GRAMD1B: variants seen among roughly 807,000 people sequenced by gnomAD.
GRAMD1B encodes GRAM domain containing 1B.
A neutral mutation model predicts 99.7 loss-of-function variants in GRAMD1B; 37 were observed. That is an observed-to-expected ratio of 0.37 (90% CI 0.29 to 0.49). The LOEUF is 0.49. Among genes scored for constraint, GRAMD1B ranks in the 20% least tolerant of loss-of-function variants. GRAMD1B has a pLI of 0.98. For synonymous variants in GRAMD1B, 427 were observed against 387.6 expected (o/e 1.10, Z -1.19); for missense variants, 888 against 1,009.2 (o/e 0.88, Z 1.63).
intron 17 of GRAMD1B, 51 bp downstream of exon 17, chr11:123,614,886 G>A (rs374208190): frequency 1.7e-5 from 18 of 1,067,744 alleles, no homozygotes; most frequent in Non-Finnish European, 2.1e-5. Context: ...TCCCTTTCCA[G>A]CCTGGTGCCC....
chr11:123,610,746 A>G lies in GRAMD1B; in HGVS notation c.1919+408A>G, dbSNP rs1395444328. ...GTAAGCACTGAAACCCAGATCTTAGAGTTGTAAACCTGTGCTCTGTCCACC... is the reference window on the plus strand; with the variant it reads ...GTAAGCACTGAAACCCAGATCTTAGGGTTGTAAACCTGTGCTCTGTCCACC... On this transcript the variant is annotated intron_variant, in intron 14 of 19. Transcript: ENST00000635736. The surrounding 1 kb of genome is among the most constrained non-coding windows in gnomAD (Gnocchi z 4.1). 6.6e-6 allele frequency among the ~76,000 whole-genome samples: 1 copy of G among 152,168 alleles called. No individual in the cohort carries two copies.
At chr11:123,537,284 TC>T (rs924260703) in intron 2 of GRAMD1B, among the ~76,000 whole-genome samples, 3 of 152,216 alleles carry the variant, frequency 2.0e-5, no homozygotes, top group African/African-American at 7.2e-5. Context: ...ATCTTTCAGT[TC>T]AGACCTCTTT....
chr11:123,543,887 A>G (rs1347359750), intron 2 of GRAMD1B, among the ~76,000 whole-genome samples: 2 of 152,210 alleles, frequency 1.3e-5, no homozygotes, highest in African/African-American at 4.8e-5. Flanking sequence ...CCCTATCACA[A>G]CAGAGTTCAG....
At chr11:123,382,819 T>C (rs181232061) in intron 1 of GRAMD1B, among the ~76,000 whole-genome samples, 137 of 152,268 alleles carry the variant, frequency 9.0e-4, no homozygotes, top group African/African-American at 3.1e-3. Context: ...AGAGGTCACC[T>C]GACCTGAGCT....
intron 2 of GRAMD1B, among the ~76,000 whole-genome samples, chr11:123,538,947 G>T (rs1327577502): frequency 1.3e-5 from 2 of 151,176 alleles, no homozygotes; most frequent in Non-Finnish European, 2.9e-5. Context: ...TAATATGAAT[G>T]GAATTATATG....
At chr11:123,504,090 T>C (rs1006172724) in intron 2 of GRAMD1B, among the ~76,000 whole-genome samples, 13 of 152,322 alleles carry the variant, frequency 8.5e-5, no homozygotes, top group Admixed American at 8.5e-4. Context: ...GTCGAGGTAA[T>C]GTCACTCATG....
In GRAMD1B at chr11:123,442,931, G is replaced by A. The variant is rs545554868; in HGVS notation, c.374+11765G>A. Among the ~76,000 whole-genome samples the A allele has an allele frequency of 8.6e-5, 13 of 151,994 alleles. No homozygotes were observed. In the South Asian group the frequency reaches 1.2e-3, roughly 15 times the overall value. On this transcript the variant is annotated intron_variant, in intron 1 of 19. Coordinates refer to ENST00000635736, the MANE Select transcript of GRAMD1B (RefSeq NM_001387025.1). The stretch of plus-strand genomic sequence containing the variant: ...CATGGCATTTGTAAATGGTCATGGC[G>A]CTGGTGGGAGTGTAGCAGTGAGGAT...
In GRAMD1B at chr11:123,610,970, G is replaced by T. The variant is rs1953457333; in HGVS notation, c.1919+632G>T. Among the ~76,000 whole-genome samples, 1 of 152,182 alleles carries T rather than the reference G, an allele frequency of 6.6e-6. No homozygotes were observed. Among genetic ancestry groups the T allele is most frequent in the Non-Finnish European group, 1.5e-5 (1 of 68,044 alleles). On this transcript the variant is annotated intron_variant, in intron 14 of 19. Transcript: ENST00000635736. This position sits in a 1 kb window ranked among gnomAD's most constrained non-coding sequence, Gnocchi z 4.1. ...AGACATTTAGACCCTGACATTTTAA[G>T]AAACTTGTAGTCTAATTGAAAAGGC...
At chr11:123,498,819 G>A (rs867498463) in intron 2 of GRAMD1B, among the ~76,000 whole-genome samples, 3 of 152,216 alleles carry the variant, frequency 2.0e-5, no homozygotes, top group African/African-American at 7.2e-5. Flanking sequence ...GCTATGGACT[G>A]GGAAAGGCCT....
At chr11:123,463,909 G>A (rs1950547650) in intron 1 of GRAMD1B, among the ~76,000 whole-genome samples, 1 of 152,214 alleles carries the variant, frequency 6.6e-6, no homozygotes, top group Non-Finnish European at 1.5e-5. Context: ...TCAGTTTCAT[G>A]TAGTAAGGCC....
At chr11:123,454,005 C>T (rs1033682628) in intron 1 of GRAMD1B, among the ~76,000 whole-genome samples, 4 of 152,216 alleles carry the variant, frequency 2.6e-5, no homozygotes, top group Non-Finnish European at 5.9e-5. Flanking sequence ...CTCACCTATC[C>T]CCACCTCTAG....
At chr11:123,559,517 C>A (rs1401829424) in intron 2 of GRAMD1B, among the ~76,000 whole-genome samples, 2 of 152,006 alleles carry the variant, frequency 1.3e-5, no homozygotes, top group African/African-American at 4.8e-5. Flanking sequence ...GAATGACTTT[C>A]AAAATATTAT....
intron 1 of GRAMD1B, among the ~76,000 whole-genome samples, chr11:123,374,720 C>T (rs1946636794): frequency 6.6e-6 from 1 of 152,224 alleles, no homozygotes; most frequent in Non-Finnish European, 1.5e-5. Context: ...AATGAGCTTT[C>T]ACTCTGGGCT....
intron 1 of GRAMD1B, among the ~76,000 whole-genome samples, chr11:123,398,058 C>A (rs753897034): frequency 6.6e-6 from 1 of 152,088 alleles, no homozygotes; most frequent in East Asian, 1.9e-4. Context: ...AGGTACAAAT[C>A]TTTGCATAGA....
intron 2 of GRAMD1B, among the ~76,000 whole-genome samples, chr11:123,486,564 A>AAAAAAAAAG (rs779982778): frequency 6.8e-6 from 1 of 147,628 alleles, no homozygotes; most frequent in Non-Finnish European, 1.5e-5. Context: ...GAAAAAAAAA[A>AAAAAAAAAG]AAAAACAAAA....
chr11:123,462,188 C>T (rs780843635), intron 1 of GRAMD1B, among the ~76,000 whole-genome samples: 40 of 151,256 alleles, frequency 2.6e-4, no homozygotes, highest in Non-Finnish European at 4.4e-4. Flanking sequence ...AGGATGGTCT[C>T]GATCTCCTGA....
At chr11:123,432,580 C>A (rs1259784719) in intron 1 of GRAMD1B, among the ~76,000 whole-genome samples, 1 of 148,148 alleles carries the variant, frequency 6.8e-6, no homozygotes, top group Non-Finnish European at 1.5e-5. Flanking sequence ...AAATTGAAGA[C>A]CTGTGGGAGC....
chr11:123,520,776 CAAAAAA>C (rs11219185), intron 2 of GRAMD1B, among the ~76,000 whole-genome samples: 3 of 103,682 alleles, frequency 2.9e-5, no homozygotes, highest in African/African-American at 7.5e-5. Context: ...GAGACCCTGT[CAAAAAA>C]AAAAAAAAAA....
intron 2 of GRAMD1B, chr11:123,526,248 G>T: frequency 7.9e-7 from 1 of 1,262,996 alleles, no homozygotes; most frequent in Non-Finnish European, 1.1e-6. Context: ...CCCTCAAGAG[G>T]TCTCCTTCAT....
Sources: gnomAD v4.1 joint callset for allele counts (sites outside exome capture counted in the v4.1 genomes callset) on GRCh38, gnomAD v4.1.1 for gene constraint, Gnocchi (gnomAD v3.1) non-coding constraint, MANE v1.5 for transcripts, NCBI Gene and HGNC (gene_info 2026-07-23, HGNC 2026-07-21) for gene names.